The following CDH13 variants were observed in gnomAD, a reference collection of about 807,000 sequenced individuals.
CDH13 encodes cadherin-13.
In CDH13, 24 loss-of-function variants were observed where a neutral mutation model predicts 63.8. The observed-to-expected ratio is 0.38, with a 90% confidence interval of 0.27 to 0.53. The LOEUF is 0.53. Ranked by LOEUF, CDH13 falls within the 20% of genes least tolerant of loss-of-function variation. The probability of loss-of-function intolerance (pLI) is 0.85; values close to 1 mark genes in which losing one functional copy is unlikely to be tolerated. For missense variants in CDH13, 1,049 were observed against 903.1 expected, an observed-to-expected ratio of 1.16 and a Z score of -2.07; for synonymous variants, 503 against 355.3, an observed-to-expected ratio of 1.42 and a Z score of -4.67.
chr16:83,424,802 T>G (rs1338035212), intron 6 of CDH13, among the ~76,000 whole-genome samples: 1 of 152,202 alleles, frequency 6.6e-6, no homozygotes, highest in Non-Finnish European at 1.5e-5. Context: ...CAGAGACCAA[T>G]TTTAATCCCA....
intron 3 of CDH13, among the ~76,000 whole-genome samples, chr16:83,043,185 C>T (rs1394018823): frequency 2.0e-5 from 3 of 152,120 alleles, no homozygotes; most frequent in Non-Finnish European, 1.5e-5. Context: ...AAAAGACATC[C>T]TTCAATTCAT....
intron 7 of CDH13, among the ~76,000 whole-genome samples, chr16:83,520,536 G>T (rs551496450): frequency 6.6e-6 from 1 of 152,178 alleles, no homozygotes; most frequent in South Asian, 2.1e-4. Context: ...AATATGTTTA[G>T]GCAAAAATCC....
At position 83,255,500 on chromosome 16, in the gene CDH13, C is replaced by T. The variant is rs578016245; in HGVS notation, c.636+38003C>T. On this transcript the variant is annotated intron_variant, in intron 5 of 13. Coordinates refer to ENST00000567109, the MANE Select transcript of CDH13 (RefSeq NM_001257.5). ...TTACTCCACATGAGAACGTCCCTAC[C>T]ATGATGTCCAGTAAAGAATGGGCTA... Among the ~76,000 whole-genome samples, 6 of 152,296 alleles carry T rather than the reference C, an allele frequency of 3.9e-5. No homozygotes were observed. The South Asian group carries it at 1.0e-3, about 26-fold the overall frequency.
intron 6 of CDH13, among the ~76,000 whole-genome samples, chr16:83,394,505 T>C (rs1009426699): frequency 9.9e-5 from 15 of 151,760 alleles, no homozygotes; most frequent in African/African-American, 3.6e-4. Context: ...ATGGATGAAA[T>C]AAAGTGAGAA....
chr16:83,413,551 A>G (rs1374942283), intron 6 of CDH13, among the ~76,000 whole-genome samples: 1 of 152,188 alleles, frequency 6.6e-6, no homozygotes, highest in Non-Finnish European at 1.5e-5. Context: ...GGGTGTAGCA[A>G]TCTTGGGGAA....
At chr16:83,546,570 G>A (rs959745017) in intron 7 of CDH13, among the ~76,000 whole-genome samples, 5 of 151,978 alleles carry the variant, frequency 3.3e-5, no homozygotes, top group East Asian at 1.9e-4. Context: ...TGGGATTGGC[G>A]CCATGATCGA....
intron 3 of CDH13, among the ~76,000 whole-genome samples, chr16:83,036,141 CTCT>C (rs748816749): frequency 7.2e-6 from 1 of 138,854 alleles, no homozygotes; most frequent in African/African-American, 2.8e-5. Flanking sequence ...TGGAGCTCTC[CTCT>C]TTTTTTTTTT....
intron 1 of CDH13, among the ~76,000 whole-genome samples, chr16:82,849,504 AAAAT>A (rs1016775697): frequency 3.9e-5 from 6 of 152,206 alleles, no homozygotes; most frequent in Non-Finnish European, 7.3e-5. Context: ...CCGTCTCAAA[AAAAT>A]AAATAAATAA....
chr16:83,044,275 T>A (rs1917583779), intron 3 of CDH13, among the ~76,000 whole-genome samples: 1 of 152,170 alleles, frequency 6.6e-6, no homozygotes, highest in Non-Finnish European at 1.5e-5. Flanking sequence ...TTTTGTGGAG[T>A]CATTGCTATT....
intron 5 of CDH13, among the ~76,000 whole-genome samples, chr16:83,263,863 C>T (rs1353662301): frequency 6.6e-6 from 1 of 152,120 alleles, no homozygotes; most frequent in Admixed American, 6.5e-5. Context: ...CATCCCACTA[C>T]TTGCCACTGA....
At chr16:83,205,665 C>T (rs888268521) in intron 4 of CDH13, among the ~76,000 whole-genome samples, 5 of 141,792 alleles carry the variant, frequency 3.5e-5, no homozygotes, top group Non-Finnish European at 7.5e-5. Context: ...AGTGCAGTGA[C>T]GTGATCTTGG....
intron 10 of CDH13, among the ~76,000 whole-genome samples, chr16:83,703,121 A>C (rs981559930): frequency 6.6e-6 from 1 of 152,230 alleles, no homozygotes; most frequent in African/African-American, 2.4e-5. Flanking sequence ...CCCTAAGCCA[A>C]GGAAACATAT....
At chr16:83,327,170 T>C (rs9940464) in intron 5 of CDH13, among the ~76,000 whole-genome samples, 60,075 of 152,030 alleles carry the variant, frequency 0.4, 12,170 homozygotes, top group East Asian at 0.49. Context: ...TTATTTTCCT[T>C]CATTTACATA....
chr16:82,956,098 T>A (rs563970017), intron 2 of CDH13, among the ~76,000 whole-genome samples: 16 of 151,878 alleles, frequency 1.1e-4, no homozygotes, highest in African/African-American at 3.9e-4. Flanking sequence ...AGCCCCAGAC[T>A]TTTTTTTCCA....
intron 3 of CDH13, among the ~76,000 whole-genome samples, chr16:83,094,674 T>G (rs1443979966): frequency 2.6e-5 from 4 of 152,180 alleles, no homozygotes; most frequent in Non-Finnish European, 5.9e-5. Context: ...AATAAAGGGA[T>G]CTGAGCAGCA....
intron 4 of CDH13, among the ~76,000 whole-genome samples, chr16:83,188,027 A>G (rs972733210): frequency 6.6e-6 from 1 of 152,196 alleles, no homozygotes. Flanking sequence ...GAAGGCTGGT[A>G]TGGCTGAAGC....
intron 4 of CDH13, among the ~76,000 whole-genome samples, chr16:83,207,912 A>G (rs1421326294): frequency 6.6e-6 from 1 of 152,184 alleles, no homozygotes; most frequent in Non-Finnish European, 1.5e-5. Context: ...AGAGTCTGCT[A>G]TATAAGAAGG....
chr16:83,745,691 G>C (rs1336899245), intron 10 of CDH13, among the ~76,000 whole-genome samples: 2 of 152,110 alleles, frequency 1.3e-5, no homozygotes, highest in Non-Finnish European at 2.9e-5. Flanking sequence ...GCCTCCCCCA[G>C]GTAACAATCC....
At chr16:83,069,198 G>A (rs1450752353) in intron 3 of CDH13, among the ~76,000 whole-genome samples, 1 of 152,206 alleles carries the variant, frequency 6.6e-6, no homozygotes, top group African/African-American at 2.4e-5. Context: ...CAATAAAGGA[G>A]TAATCAGTGG....
Sources: allele counts gnomAD v4.1 joint callset (sites outside exome capture counted in the v4.1 genomes callset), GRCh38; gene constraint gnomAD v4.1.1; transcripts MANE v1.5; gene names NCBI Gene and HGNC (gene_info 2026-07-23, HGNC 2026-07-21).